RBFOX1: variants seen among roughly 807,000 people sequenced by gnomAD.
RBFOX1 encodes RNA binding fox-1 homolog 1.
RBFOX1 carries 8 observed loss-of-function variants against 57.7 expected under a neutral mutation model. The ratio of observed to expected loss-of-function variants is 0.14; its 90% CI spans 0.08 to 0.25. RBFOX1 has a LOEUF of 0.25. Ranked by LOEUF, RBFOX1 falls within the 10% of genes least tolerant of loss-of-function variation. The pLI is 1.00. For missense variants in RBFOX1, 611 were observed against 548.5 expected (o/e 1.11, Z -1.14); for synonymous variants, 326 against 222.4 (o/e 1.47, Z -4.15).
intron 4 of RBFOX1, among the ~76,000 whole-genome samples, chr16:7,310,755 G>A (rs2096288250): frequency 6.6e-6 from 1 of 152,138 alleles, no homozygotes; most frequent in South Asian, 2.1e-4. Flanking sequence ...AGCATACGTG[G>A]AACTAAATGT....
chr16:6,114,647 A>G (rs2096480931), intron 1 of RBFOX1, among the ~76,000 whole-genome samples: 1 of 152,178 alleles, frequency 6.6e-6, no homozygotes, highest in South Asian at 2.1e-4. Context: ...ACAAACAATG[A>G]TATGCTTGCC....
At chr16:6,978,325 C>A (rs1376075870) in intron 3 of RBFOX1, among the ~76,000 whole-genome samples, 1 of 152,154 alleles carries the variant, frequency 6.6e-6, no homozygotes, top group Non-Finnish European at 1.5e-5. Context: ...ATTCTTTTAT[C>A]CCGGTGCTCT....
At chr16:6,974,855 G>C (rs1386873805) in intron 3 of RBFOX1, among the ~76,000 whole-genome samples, 5 of 152,098 alleles carry the variant, frequency 3.3e-5, no homozygotes, top group African/African-American at 9.7e-5. Context: ...CTCGCATTCA[G>C]TGCTCCCTGG....
At chr16:6,617,255 A>C (rs2098156478) in intron 2 of RBFOX1, among the ~76,000 whole-genome samples, 1 of 151,928 alleles carries the variant, frequency 6.6e-6, no homozygotes, top group South Asian at 2.1e-4. Context: ...TACATGAAGC[A>C]AATATTGTCT....
chr16:5,906,637 C>G (rs1055778524), intron 4 of RBFOX1, among the ~76,000 whole-genome samples: 1 of 150,476 alleles, frequency 6.6e-6, no homozygotes, highest in African/African-American at 2.4e-5. Context: ...GGAGTCGGGA[C>G]ATGTGTACTC....
At chr16:7,203,347 G>C (rs1481489221) in intron 4 of RBFOX1, among the ~76,000 whole-genome samples, 3 of 152,214 alleles carry the variant, frequency 2.0e-5, no homozygotes, top group African/African-American at 7.2e-5. Flanking sequence ...AAAGCAGAGA[G>C]TCAAGGAGAA....
chr16:7,244,184 T>C (rs1286037052), intron 4 of RBFOX1, among the ~76,000 whole-genome samples: 2 of 148,686 alleles, frequency 1.3e-5, no homozygotes, highest in Admixed American at 6.7e-5. Context: ...TAAATAAACA[T>C]TTATAATAAT....
At chr16:7,279,944 G>A (rs887820859) in intron 4 of RBFOX1, among the ~76,000 whole-genome samples, 1 of 152,196 alleles carries the variant, frequency 6.6e-6, no homozygotes, top group African/African-American at 2.4e-5. Context: ...CAGTGGGCCT[G>A]GTAACAATAG....
At position 6,611,977 on chromosome 16, in the gene RBFOX1, G is replaced by A. The variant is rs1257874465; in HGVS notation, c.-63-42626G>A. 4.7e-5 allele frequency among the ~76,000 whole-genome samples: 7 copies of A among 150,136 alleles called. No homozygotes were observed. The Admixed American group carries it at 4.7e-4, about 10-fold the overall frequency. ...TCAATTCTGTTACCGTTCCTTCTTT[G>A]GCCTCTCAGATCTCCCGAGTCCCCT... is the stretch of plus-strand genomic sequence containing the variant. On this transcript the variant is annotated intron_variant, in intron 2 of 15. Transcript: ENST00000550418.
chr16:6,273,546 A>G (rs991144640), intron 1 of RBFOX1, among the ~76,000 whole-genome samples: 17 of 151,808 alleles, frequency 1.1e-4, no homozygotes, highest in South Asian at 6.2e-4. Flanking sequence ...GGGCTTCTCC[A>G]TGTTGGTCAG....
At chr16:7,257,042 G>C (rs550514258) in intron 4 of RBFOX1, among the ~76,000 whole-genome samples, 1 of 152,212 alleles carries the variant, frequency 6.6e-6, no homozygotes, top group African/African-American at 2.4e-5. Flanking sequence ...CTGGAGAATG[G>C]GATGCTGTAT....
intron 4 of RBFOX1, among the ~76,000 whole-genome samples, chr16:5,928,032 G>A (rs899802182): frequency 1.3e-5 from 2 of 152,166 alleles, no homozygotes; most frequent in African/African-American, 4.8e-5. Flanking sequence ...AGGGCATGGT[G>A]ACTATCATTA....
intron 2 of RBFOX1, among the ~76,000 whole-genome samples, chr16:6,350,530 C>T (rs1032056103): frequency 7.3e-6 from 1 of 136,530 alleles, no homozygotes; most frequent in African/African-American, 2.8e-5. Flanking sequence ...TTCCCAACTT[C>T]TAAGTACTTC....
chr16:7,166,881 A>G (rs531140746), intron 4 of RBFOX1, among the ~76,000 whole-genome samples: 1 of 150,282 alleles, frequency 6.7e-6, no homozygotes, highest in Non-Finnish European at 1.5e-5. Context: ...GACTGCACAG[A>G]CACAGCCACC....
chr16:7,252,387 G>T (rs972453419), intron 4 of RBFOX1, among the ~76,000 whole-genome samples: 1 of 152,244 alleles, frequency 6.6e-6, no homozygotes, highest in Admixed American at 6.5e-5. Flanking sequence ...TTACACATCT[G>T]GCTGGGGCAG....
intron 2 of RBFOX1, among the ~76,000 whole-genome samples, chr16:6,591,999 C>T (rs2097717841): frequency 6.6e-6 from 1 of 152,076 alleles, no homozygotes; most frequent in Admixed American, 6.6e-5. Context: ...TCCTAAGCAT[C>T]CTATTATTTA....
At chr16:5,936,773 G>A (rs752837673) in intron 4 of RBFOX1, among the ~76,000 whole-genome samples, 21 of 152,140 alleles carry the variant, frequency 1.4e-4, no homozygotes, top group Non-Finnish European at 2.4e-4. Flanking sequence ...TTTCATACAA[G>A]GGTCAATTGT....
At chr16:6,532,336 A>G (rs1001408978) in intron 2 of RBFOX1, among the ~76,000 whole-genome samples, 5 of 152,154 alleles carry the variant, frequency 3.3e-5, no homozygotes, top group African/African-American at 4.8e-5. Context: ...TTCCCTTTTC[A>G]TAGAGAAGGT....
At position 6,575,405 on chromosome 16, in the gene RBFOX1, C is replaced by G. The variant is rs189704458; in HGVS notation, c.-63-79198C>G. Among the ~76,000 whole-genome samples the G allele has an allele frequency of 1.1e-4, 17 of 152,224 alleles. No homozygotes were observed. In the East Asian group the frequency reaches 1.2e-3, roughly 10 times the overall value. On this transcript the variant is annotated intron_variant, in intron 2 of 15. Transcript: ENST00000550418. ...TGACTTTAAGCAAAATGACGTGTAA[C>G]AGAATACCTTTTACCATGAGCTGAT...
Sources: gnomAD v4.1 joint callset for allele counts (sites outside exome capture counted in the v4.1 genomes callset) on GRCh38, gnomAD v4.1.1 for gene constraint, MANE v1.5 for transcripts, NCBI Gene and HGNC (gene_info 2026-07-23, HGNC 2026-07-21) for gene names.